The following ABHD8 variants were observed in gnomAD, a reference collection of about 807,000 sequenced individuals.
The protein encoded by ABHD8 is abhydrolase domain containing 8, also known as protein ABHD8.
Under a neutral mutation model 29.3 loss-of-function variants are expected in ABHD8, and 10 were observed. That is an observed-to-expected ratio of 0.34 (90% CI 0.21 to 0.58). The LOEUF (loss-of-function observed/expected upper bound fraction) is 0.58. ABHD8 is among the 20% of genes least tolerant of loss of function. The pLI is 0.85. For synonymous variants in ABHD8, 282 were observed against 274.6 expected (o/e 1.03, Z -0.27); for missense variants, 556 against 615.3 (o/e 0.90, Z 1.02).
At position 17,301,178 on chromosome 19, in the gene ABHD8, G is replaced by T. The variant is rs781494346; in HGVS notation, c.439C>A (p.Arg147=). The stretch of plus-strand genomic sequence containing the variant: ...TTGGGGCGCCTGGCTCGCCGCCGCC[G>T]CCCACCACTGCCACTGCCGCTGCCG... ...GSGSGSGSGG[R]RRRARRPKRT... is the part of the protein sequence containing the mutation. The change falls in exon 2 of 5, where the codon CGG becomes AGG. Residue 147 remains arginine (R), a synonymous_variant. Coordinates refer to ENST00000247706, the MANE Select transcript of ABHD8 (RefSeq NM_024527.5). The T allele has an allele frequency of 1.2e-6, 2 of 1,605,828 alleles. No homozygotes were observed. The highest frequency in any genetic ancestry group is 1.7e-6 in the Non-Finnish European group (2 of 1,178,470).
Position 17,292,793 on chromosome 19 carries a change from G to A in ABHD8, c.1188C>T (p.Gly396=), listed in dbSNP as rs2074076924. ...GGCATTCCAGCATCACCATGTGGCT[G>A]CCCTCGTCGATGAGCTTCAGGAATG... ...LLAFLKLIDE[G]SHMVMLECPE... Residue 396 remains glycine (G), a synonymous_variant, in exon 5 of 5, where the codon GGC becomes GGT. Transcript: ENST00000247706. 1.2e-6 allele frequency: 2 copies of A among 1,612,880 alleles called. No individual in the cohort carries two copies. Among genetic ancestry groups the A allele is most frequent in the African/African-American group, 1.3e-5 (1 of 74,824 alleles).
chr19:17,300,097 G>C (rs1396876293), intron 2 of ABHD8, among the ~76,000 whole-genome samples: 1 of 151,300 alleles, frequency 6.6e-6, no homozygotes, highest in South Asian at 2.1e-4. Flanking sequence ...GTAGAGACAG[G>C]GTTTCACCGT....
At chr19:17,296,894 C>T (rs2074096383) in intron 2 of ABHD8, among the ~76,000 whole-genome samples, 1 of 151,860 alleles carries the variant, frequency 6.6e-6, no homozygotes, top group South Asian at 2.1e-4. Context: ...GGGGTTTCAC[C>T]GTGTTAGTCA....
rs2074074160 is a variant in ABHD8 at position 17,292,381 on chromosome 19, T to C, written c.*280A>G. On this transcript the variant is annotated 3_prime_UTR_variant, in exon 5 of 5. Transcript: ENST00000247706. ...CTTGGCCGTGGCGTTGGGGGGAAGG[T>C]GAGGGAGAGCTTCTGTACAAGGTCA... The C allele has an allele frequency of 9.1e-6, 4 of 441,116 alleles. No individual in the cohort carries two copies. The Admixed American group carries it at 1.7e-4, about 19-fold the overall frequency. The allele number at this position is 441,116 out of a possible 1,614,324, so 27.3% of individuals were successfully genotyped here. A position where few individuals can be genotyped will look rare whatever the true frequency, so the allele number is the denominator to read the frequency against.
At chr19:17,299,411 AT>A (rs963887902) in intron 2 of ABHD8, among the ~76,000 whole-genome samples, 41 of 152,096 alleles carry the variant, frequency 2.7e-4, no homozygotes, top group African/African-American at 9.6e-4. Flanking sequence ...AAGACAAAAA[AT>A]TAGCCAGGCA....
At chr19:17,302,458 A>G (rs2074125055) in intron 1 of ABHD8, among the ~76,000 whole-genome samples, 1 of 152,190 alleles carries the variant, frequency 6.6e-6, no homozygotes, top group South Asian at 2.1e-4. Flanking sequence ...TAAGGCATCT[A>G]AAATATGCAA....
Position 17,300,834 on chromosome 19 carries a change from C to T in ABHD8, c.761+22G>A, listed in dbSNP as rs761564968. On this transcript the variant is annotated intron_variant, in intron 2 of 4. Coordinates refer to ENST00000247706, the MANE Select transcript of ABHD8 (RefSeq NM_024527.5). Reference sequence around the variant, plus strand: ...GCTGACCCCATCCCTCACCCCCACCCCACATGCCAGGGTTCACTTACCCGT... The same window carrying T: ...GCTGACCCCATCCCTCACCCCCACCTCACATGCCAGGGTTCACTTACCCGT... 3.8e-6 allele frequency: 6 copies of T among 1,566,114 alleles called. No homozygotes were observed. The African/African-American group carries it at 5.4e-5, about 14-fold the overall frequency.
chr19:17,296,078 G>A (rs2074092820), intron 2 of ABHD8: 1 of 152,226 alleles, frequency 6.6e-6, no homozygotes, highest in Non-Finnish European at 1.5e-5. Context: ...TTCTTCCCCT[G>A]GGGTCCATGG....
chr19:17,299,233 G>GAC (rs986682234), intron 2 of ABHD8, among the ~76,000 whole-genome samples: 3 of 56,022 alleles, frequency 5.4e-5, no homozygotes, highest in African/African-American at 8.4e-5. Flanking sequence ...AACATAATGA[G>GAC]ACCCCCCCCC....
rs1253649503 is a variant in ABHD8, at chr19:17,303,281, T to A, written c.-48A>T. The A allele has an allele frequency of 6.6e-6, 1 of 152,018 alleles. No individual in the cohort carries two copies. Among genetic ancestry groups the A allele is most frequent in the Non-Finnish European group, 1.5e-5 (1 of 68,014 alleles). 9.4% of individuals were successfully genotyped at this position (152,018 alleles called of 1,614,324 possible). A position where few individuals can be genotyped will look rare whatever the true frequency, so the allele number is the denominator to read the frequency against. Reference sequence around the variant, plus strand: ...CGGGGCCCGGGTCGGGGCGGAGGGGTCCCAGGCGGAGAAGCCAGCGTCCGC... The same window carrying A: ...CGGGGCCCGGGTCGGGGCGGAGGGGACCCAGGCGGAGAAGCCAGCGTCCGC... On this transcript the variant is annotated 5_prime_UTR_variant, in exon 1 of 5. Coordinates refer to ENST00000247706, the MANE Select transcript of ABHD8 (RefSeq NM_024527.5).
At chr19:17,301,867 T>C (rs566847698) in intron 1 of ABHD8, among the ~76,000 whole-genome samples, 55 of 152,028 alleles carry the variant, frequency 3.6e-4, no homozygotes, top group African/African-American at 1.3e-3. Flanking sequence ...GATTTCGGCT[T>C]ACTGCAACCT....
rs2074074754 is a variant in ABHD8, at chr19:17,292,493, C to G, written c.*168G>C. 1.2e-6 allele frequency: 1 copy of G among 801,046 alleles called. No homozygotes were observed. The highest frequency in any genetic ancestry group is 3.5e-5 in the Admixed American group (1 of 28,662). The allele number at this position is 801,046 out of a possible 1,614,324, so 49.6% of individuals were successfully genotyped here. On this transcript the variant is annotated 3_prime_UTR_variant, in exon 5 of 5. Coordinates refer to ENST00000247706, the MANE Select transcript of ABHD8 (RefSeq NM_024527.5). ...GAGAGCGGAATGTCCGCTGGGCTCC[C>G]TCGGATGCCACGCCCCGCCCAGGCA...
At position 17,292,698 on chromosome 19, in the gene ABHD8, G is replaced by T; in HGVS notation, c.1283C>A (p.Pro428Gln). ...TTCTGGAGGCGCCGGCAGTGGCTCC[G>T]GTAGAGCCTTGGGCGAGGGCTCGGG... Reference protein sequence around the residue: ...WEPEPSPKALPEPLPAPPEDK... With the variant: ...WEPEPSPKALQEPLPAPPEDK... The change falls in exon 5 of 5, where the codon CCG becomes CAG. Residue 428 changes from proline to glutamine, a missense_variant. Pro to Gln is a moderately conservative substitution (Grantham distance 76). Coordinates refer to ENST00000247706, the MANE Select transcript of ABHD8 (RefSeq NM_024527.5). The T allele has an allele frequency of 6.2e-7, 1 of 1,612,562 alleles. No homozygotes were observed. The highest frequency in any genetic ancestry group is 8.5e-7 in the Non-Finnish European group (1 of 1,179,632).
Position 17,301,153 on chromosome 19 carries a change from T to C in ABHD8, c.464A>G (p.Lys155Arg). Residue 155 changes from lysine (K) to arginine (R), a missense_variant, in exon 2 of 5, where the codon AAG (lysine) becomes AGG (arginine). Physicochemically the swap from Lys to Arg is conservative, Grantham distance 26 (BLOSUM62 2). Coordinates refer to ENST00000247706, the MANE Select transcript of ABHD8 (RefSeq NM_024527.5). ...CTCACAGTCAATATGGATGGTCCTC[T>C]TGGGGCGCCTGGCTCGCCGCCGCCG... is the stretch of plus-strand genomic sequence containing the variant. ...GGRRRRARRP[K>R]RTIHIDCEKR... 6.2e-7 allele frequency: 1 copy of C among 1,611,628 alleles called. No individual in the cohort carries two copies. The highest frequency in any genetic ancestry group is 8.5e-7 in the Non-Finnish European group (1 of 1,179,700).
intron 2 of ABHD8, chr19:17,296,075 C>T (rs1295911306): frequency 6.6e-6 from 1 of 152,216 alleles, no homozygotes; most frequent in Non-Finnish European, 1.5e-5. Flanking sequence ...AGATTCTTCC[C>T]CTGGGGTCCA....
At chr19:17,298,783 C>A (rs187696811) in intron 2 of ABHD8, among the ~76,000 whole-genome samples, 2 of 123,964 alleles carry the variant, frequency 1.6e-5, no homozygotes, top group African/African-American at 6.2e-5. Context: ...CTCTGTTGCT[C>A]AGGCTGGAGT....
intron 2 of ABHD8, chr19:17,296,398 T>C (rs1010366303): frequency 6.6e-6 from 1 of 152,184 alleles, no homozygotes; most frequent in Admixed American, 6.5e-5. Context: ...GCGGTAAGAA[T>C]TACTCATCAG....
chr19:17,293,175 A>G (rs1327673295), intron 4 of ABHD8, among the ~76,000 whole-genome samples: 1 of 146,252 alleles, frequency 6.8e-6, no homozygotes, highest in Non-Finnish European at 1.5e-5. Flanking sequence ...GGCTCACTCC[A>G]ACCTCTGCCT....
intron 2 of ABHD8, 99 bp from the exon 3 acceptor site, chr19:17,294,944 G>T: frequency 7.0e-7 from 1 of 1,429,658 alleles, no homozygotes; most frequent in South Asian, 1.3e-5. Context: ...GTTTTTGTTT[G>T]AGACAGTTTT....
Sources: gnomAD v4.1 joint callset for allele counts (sites outside exome capture counted in the v4.1 genomes callset) on GRCh38, gnomAD v4.1.1 for gene constraint, MANE v1.5 for transcripts, NCBI Gene and HGNC (gene_info 2026-07-23, HGNC 2026-07-21) for gene names.